PTPRO: variants seen among roughly 807,000 people sequenced by gnomAD.
The protein encoded by PTPRO is protein tyrosine phosphatase receptor type O.
In PTPRO, 62 loss-of-function variants were observed where a neutral mutation model predicts 145.2. That is an observed-to-expected ratio of 0.43 (90% CI 0.35 to 0.53). PTPRO has a LOEUF of 0.53. Ranked by LOEUF, PTPRO falls within the 20% of genes least tolerant of loss-of-function variation. The pLI, the probability that PTPRO is intolerant of heterozygous loss-of-function variation, is 0.01. For synonymous variants in PTPRO, 565 were observed against 514.7 expected, an observed-to-expected ratio of 1.10 and a Z score of -1.32; for missense variants, 1,345 against 1,482.7, an observed-to-expected ratio of 0.91 and a Z score of 1.53.
rs1940171867 is a variant in PTPRO at position 15,422,431 on chromosome 12, T to C, written c.76-61543T>C. On this transcript the variant is annotated intron_variant, in intron 1 of 26. Transcript: ENST00000281171. ...AAACTTGGAAAAAGAGTTATAAAAA[T>C]TCTCCATAATTGAGTGCCAACTTTG... Among the ~76,000 whole-genome samples the C allele has an allele frequency of 3.3e-5, 5 of 152,230 alleles. No homozygotes were observed. The South Asian group carries it at 1.0e-3, about 32-fold the overall frequency.
intron 1 of PTPRO, among the ~76,000 whole-genome samples, chr12:15,323,735 TC>T: frequency 6.6e-6 from 1 of 152,324 alleles, no homozygotes; most frequent in Admixed American, 6.5e-5. Context: ...CTTGGAGCTA[TC>T]CTTTCAGGAC....
intron 7 of PTPRO, among the ~76,000 whole-genome samples, chr12:15,509,041 G>C (rs1314377112): frequency 6.6e-6 from 1 of 152,212 alleles, no homozygotes; most frequent in African/African-American, 2.4e-5. Flanking sequence ...CAGGTTCTAA[G>C]ATAGATGTTG....
intron 1 of PTPRO, among the ~76,000 whole-genome samples, chr12:15,390,679 A>G (rs1218796081): frequency 6.6e-6 from 1 of 152,182 alleles, no homozygotes; most frequent in Admixed American, 6.5e-5. Flanking sequence ...TCTAGGCCCA[A>G]AGTGAGATAC....
At chr12:15,563,342 C>T (rs1041987702) in intron 17 of PTPRO, among the ~76,000 whole-genome samples, 4 of 152,052 alleles carry the variant, frequency 2.6e-5, no homozygotes, top group African/African-American at 4.8e-5. Flanking sequence ...CCAGAATGTG[C>T]TTAAGTTAAA....
At chr12:15,579,892 T>C (rs1944272066) in intron 20 of PTPRO, 147 bp from the exon 21 acceptor site, 1 of 673,436 alleles carries the variant, frequency 1.5e-6, no homozygotes, top group Admixed American at 2.5e-5. Context: ...CAAACCAAAG[T>C]TGAAGAATAG....
chr12:15,583,503 A>T (rs1944366765), intron 23 of PTPRO, among the ~76,000 whole-genome samples: 2 of 152,106 alleles, frequency 1.3e-5, no homozygotes, highest in Non-Finnish European at 2.9e-5. Flanking sequence ...ACACACAAAA[A>T]AAATCAACAA....
intron 1 of PTPRO, among the ~76,000 whole-genome samples, chr12:15,408,949 A>T (rs1480843586): frequency 6.6e-6 from 1 of 152,210 alleles, no homozygotes; most frequent in Non-Finnish European, 1.5e-5. Flanking sequence ...GCCACTTTGT[A>T]TCTCTAGTAC....
chr12:15,454,990 T>C (rs965388899), intron 1 of PTPRO, among the ~76,000 whole-genome samples: 1 of 152,210 alleles, frequency 6.6e-6, no homozygotes, highest in Admixed American at 6.5e-5. Context: ...GTAATATATT[T>C]TGAAATCAGG....
chr12:15,383,645 G>C (rs1032642734), intron 1 of PTPRO, among the ~76,000 whole-genome samples: 2 of 152,158 alleles, frequency 1.3e-5, no homozygotes, highest in Non-Finnish European at 2.9e-5. Context: ...TACAGGCAAA[G>C]ACATAAATCA....
At chr12:15,573,572 A>G (rs1358342272) in intron 19 of PTPRO, among the ~76,000 whole-genome samples, 4 of 152,218 alleles carry the variant, frequency 2.6e-5, no homozygotes, top group Admixed American at 2.6e-4. Flanking sequence ...TTGGGTGGTA[A>G]GTCCTGACAT....
chr12:15,335,247 A>G (rs1866724129), intron 1 of PTPRO, among the ~76,000 whole-genome samples: 1 of 151,984 alleles, frequency 6.6e-6, no homozygotes, highest in Non-Finnish European at 1.5e-5. Flanking sequence ...TTTATCTAGG[A>G]AAAAAAATTG....
intron 12 of PTPRO, among the ~76,000 whole-genome samples, chr12:15,533,603 A>T (rs1346297318): frequency 2.0e-5 from 3 of 152,220 alleles, no homozygotes; most frequent in Non-Finnish European, 1.5e-5. Flanking sequence ...CTTTCAGAGA[A>T]GTGAAATAAT....
chr12:15,372,728 ACT>A (rs1464212236), intron 1 of PTPRO, among the ~76,000 whole-genome samples: 9 of 152,064 alleles, frequency 5.9e-5, no homozygotes, highest in Non-Finnish European at 1.2e-4. Context: ...TACACAGGAC[ACT>A]CTCTATTGGC....
intron 19 of PTPRO, among the ~76,000 whole-genome samples, chr12:15,576,376 T>C (rs1944185332): frequency 6.6e-6 from 1 of 152,214 alleles, no homozygotes; most frequent in Admixed American, 6.5e-5. Context: ...TCTTATCAAC[T>C]TAGAGTATTT....
At chr12:15,509,644 C>CCGAGATTGCA (rs11282616) in intron 7 of PTPRO, among the ~76,000 whole-genome samples, 4 of 147,754 alleles carry the variant, frequency 2.7e-5, no homozygotes, top group South Asian at 2.2e-4. Flanking sequence ...TTGCAGTGAG[C>CCGAGATTGCA]CCACTGTACT....
At chr12:15,370,138 A>G (rs1043391727) in intron 1 of PTPRO, among the ~76,000 whole-genome samples, 4 of 152,232 alleles carry the variant, frequency 2.6e-5, no homozygotes, top group African/African-American at 9.6e-5. Context: ...AAGGTTTTTG[A>G]GTAAAATTCT....
At chr12:15,539,938 G>T (rs1451348184) in intron 12 of PTPRO, among the ~76,000 whole-genome samples, 14 of 146,368 alleles carry the variant, frequency 9.6e-5, no homozygotes, top group Middle Eastern at 3.5e-3. Flanking sequence ...TTATTTCCTG[G>T]TTTTTTTTTT....
chr12:15,511,003 C>CA (rs10648692), intron 7 of PTPRO, among the ~76,000 whole-genome samples: 2,570 of 105,632 alleles, frequency 0.024, 49 homozygotes, highest in South Asian at 0.043. Context: ...TCTGTCTCCA[C>CA]AAAAAAAAAA....
At chr12:15,360,922 A>G (rs1160463135) in intron 1 of PTPRO, among the ~76,000 whole-genome samples, 7 of 138,904 alleles carry the variant, frequency 5.0e-5, no homozygotes, top group African/African-American at 1.8e-4. Context: ...ACACACATGT[A>G]TATACACACA....
Sources: allele counts gnomAD v4.1 joint callset (sites outside exome capture counted in the v4.1 genomes callset), GRCh38; gene constraint gnomAD v4.1.1; transcripts MANE v1.5; gene names NCBI Gene and HGNC (gene_info 2026-07-23, HGNC 2026-07-21).